FBXL17: variants seen among roughly 807,000 people sequenced by gnomAD.
FBXL17 encodes the protein F-box and leucine rich repeat protein 17, also known as F-box/LRR-repeat protein 17.
In FBXL17, 22 loss-of-function variants were observed where a neutral mutation model predicts 66.2. That is an observed-to-expected ratio of 0.33 (90% confidence interval 0.24 to 0.47). The LOEUF (loss-of-function observed/expected upper bound fraction) is 0.47. Among genes scored for constraint, FBXL17 ranks in the 20% least tolerant of loss-of-function variants. FBXL17 has a pLI of 1.00. For missense variants in FBXL17, 878 were observed against 948.2 expected (o/e 0.93, Z 0.97); for synonymous variants, 474 against 400.5 (o/e 1.18, Z -2.19).
chr5:108,365,688 G>C (rs925539114), intron 2 of FBXL17, among the ~76,000 whole-genome samples: 1 of 152,046 alleles, frequency 6.6e-6, no homozygotes, highest in African/African-American at 2.4e-5. Context: ...GTGGCTTCTG[G>C]GACTTGCAAC....
At chr5:108,074,672 T>C (rs1748476415) in intron 6 of FBXL17, among the ~76,000 whole-genome samples, 1 of 152,232 alleles carries the variant, frequency 6.6e-6, no homozygotes, top group Non-Finnish European at 1.5e-5. Flanking sequence ...TCTGTCTTCC[T>C]GAGGAGTCTA....
intron 6 of FBXL17, among the ~76,000 whole-genome samples, chr5:108,031,628 C>T: frequency 6.6e-6 from 1 of 152,110 alleles, no homozygotes; most frequent in South Asian, 2.1e-4. Context: ...CCTCCCACTT[C>T]TTAATAGCAT....
chr5:108,085,793 T>C (rs1210668105), intron 6 of FBXL17, among the ~76,000 whole-genome samples: 3 of 152,046 alleles, frequency 2.0e-5, no homozygotes, highest in African/African-American at 7.2e-5. Flanking sequence ...AAAAATTAGC[T>C]GGATGTAGTG....
chr5:108,351,260 G>A (rs1041021244), intron 3 of FBXL17, among the ~76,000 whole-genome samples: 1 of 152,174 alleles, frequency 6.6e-6, no homozygotes, highest in African/African-American at 2.4e-5. Context: ...TTGGAAGGAT[G>A]AGAGGATAAG....
intron 7 of FBXL17, among the ~76,000 whole-genome samples, chr5:108,002,770 A>G (rs1753785729): frequency 6.6e-6 from 1 of 152,242 alleles, no homozygotes; most frequent in Non-Finnish European, 1.5e-5. Flanking sequence ...CACAACATAG[A>G]TGAATCTCAA....
chr5:108,298,670 T>C (rs1758449009), intron 4 of FBXL17: 2 of 844,122 alleles, frequency 2.4e-6, no homozygotes, highest in Non-Finnish European at 2.8e-6. Flanking sequence ...TATAGTAATA[T>C]ACTATCTTCC....
intron 4 of FBXL17, among the ~76,000 whole-genome samples, chr5:108,305,090 G>C (rs987433016): frequency 2.0e-5 from 3 of 152,004 alleles, no homozygotes; most frequent in African/African-American, 7.2e-5. Context: ...CAACAAGTCT[G>C]ACCCTAATAG....
chr5:107,948,989 T>C (rs953602364), intron 7 of FBXL17, among the ~76,000 whole-genome samples: 12 of 152,136 alleles, frequency 7.9e-5, no homozygotes, highest in Non-Finnish European at 1.5e-4. Flanking sequence ...CCTTTGTCTT[T>C]TTCTCATCAC....
chr5:108,044,794 A>T (rs1057223760), intron 6 of FBXL17, among the ~76,000 whole-genome samples: 9 of 151,962 alleles, frequency 5.9e-5, no homozygotes, highest in Middle Eastern at 3.4e-3. Flanking sequence ...TTTTTTTTTT[A>T]AATTATCGAT....
At position 107,867,599 on chromosome 5, in the gene FBXL17, C is replaced by T. The variant is rs796942110; in HGVS notation, c.1966-5739G>A. Among the ~76,000 whole-genome samples, 18 of 152,352 alleles carry T rather than the reference C, an allele frequency of 1.2e-4. 1 individual carries two copies. The highest frequency in any genetic ancestry group is 4.1e-4 in the African/African-American group (17 of 41,584). On this transcript the variant is annotated intron_variant, in intron 8 of 8. Coordinates refer to ENST00000542267, the MANE Select transcript of FBXL17 (RefSeq NM_001163315.3). ...ATTTGGAAATTTTGTGACATTTAAGCTCCCTTTTAATGTCATAGTTATCTG... is the reference window on the plus strand; with the variant it reads ...ATTTGGAAATTTTGTGACATTTAAGTTCCCTTTTAATGTCATAGTTATCTG...
chr5:108,330,063 A>AT (rs1057128388), intron 4 of FBXL17, among the ~76,000 whole-genome samples: 1 of 152,226 alleles, frequency 6.6e-6, no homozygotes, highest in African/African-American at 2.4e-5. Context: ...ACAATAGGCT[A>AT]TGGGGTTACA....
chr5:108,015,801 C>T (rs1043672510), intron 7 of FBXL17, among the ~76,000 whole-genome samples: 1 of 152,052 alleles, frequency 6.6e-6, no homozygotes, highest in Admixed American at 6.6e-5. Flanking sequence ...AAGGTATAAC[C>T]TTTTAATCTT....
chr5:107,959,930 T>C (rs1751826205), intron 7 of FBXL17, among the ~76,000 whole-genome samples: 1 of 152,194 alleles, frequency 6.6e-6, no homozygotes, highest in South Asian at 2.1e-4. Context: ...TCAGGGGATG[T>C]TTCAGTAGAT....
chr5:108,002,419 G>C (rs1447035546), intron 7 of FBXL17, among the ~76,000 whole-genome samples: 1 of 151,952 alleles, frequency 6.6e-6, no homozygotes, highest in Non-Finnish European at 1.5e-5. Flanking sequence ...CTTCAACAGA[G>C]ATAGAAATGC....
At chr5:108,140,468 T>C (rs1751307893) in intron 6 of FBXL17, among the ~76,000 whole-genome samples, 1 of 152,232 alleles carries the variant, frequency 6.6e-6, no homozygotes, top group Non-Finnish European at 1.5e-5. Flanking sequence ...AAGCTCTTGC[T>C]TGAAATTTTC....
chr5:108,070,787 G>A (rs1748299021), intron 6 of FBXL17, among the ~76,000 whole-genome samples: 1 of 152,194 alleles, frequency 6.6e-6, no homozygotes, highest in African/African-American at 2.4e-5. Context: ...GTTCGAGAGT[G>A]CAGCAGAGCA....
intron 7 of FBXL17, among the ~76,000 whole-genome samples, chr5:107,893,445 A>T (rs926761927): frequency 1.3e-5 from 2 of 152,192 alleles, no homozygotes; most frequent in African/African-American, 4.8e-5. Context: ...GGACCTATAC[A>T]TTAGAAGGGC....
chr5:108,056,634 C>G (rs181764421), intron 6 of FBXL17, among the ~76,000 whole-genome samples: 1 of 152,270 alleles, frequency 6.6e-6, no homozygotes, highest in Non-Finnish European at 1.5e-5. Flanking sequence ...TGAGACAGTG[C>G]TGTGACTACA....
intron 7 of FBXL17, among the ~76,000 whole-genome samples, chr5:107,918,635 T>C (rs1282709165): frequency 2.6e-5 from 4 of 152,232 alleles, no homozygotes; most frequent in Non-Finnish European, 5.9e-5. Context: ...TGTTGAAATA[T>C]TTATATATAT....
Sources: allele counts gnomAD v4.1 joint callset (sites outside exome capture counted in the v4.1 genomes callset), GRCh38; gene constraint gnomAD v4.1.1; transcripts MANE v1.5; gene names NCBI Gene and HGNC (gene_info 2026-07-23, HGNC 2026-07-21).